The following ROBO1 variants were observed in gnomAD, a reference collection of about 807,000 sequenced individuals.
The protein encoded by ROBO1 is roundabout guidance receptor 1, also known as roundabout homolog 1.
ROBO1 carries 149 observed loss-of-function variants against 195.9 expected under a neutral mutation model. That is an observed-to-expected ratio of 0.76 (90% confidence interval 0.67 to 0.87). ROBO1 has a LOEUF of 0.87. Among genes scored for constraint, ROBO1 ranks in the 40% least tolerant of loss-of-function variants. ROBO1 has a pLI of 0.00. For synonymous variants in ROBO1, 816 were observed against 733.2 expected, an observed-to-expected ratio of 1.11 and a Z score of -1.82; for missense variants, 1,933 against 2,068.3, an observed-to-expected ratio of 0.93 and a Z score of 1.27.
chr3:79,059,346 G>A (rs1355312830), intron 3 of ROBO1, among the ~76,000 whole-genome samples: 1 of 151,962 alleles, frequency 6.6e-6, no homozygotes, highest in Non-Finnish European at 1.5e-5. Flanking sequence ...CTCATGACTT[G>A]GATTAAGTCT....
chr3:79,055,544 G>A (rs1166935570), intron 3 of ROBO1, among the ~76,000 whole-genome samples: 2 of 151,978 alleles, frequency 1.3e-5, no homozygotes, highest in East Asian at 1.9e-4. Context: ...GGCCCTGATG[G>A]TCAAAAAGGT....
chr3:79,208,884 G>A (rs955456885), intron 2 of ROBO1, among the ~76,000 whole-genome samples: 1 of 151,890 alleles, frequency 6.6e-6, no homozygotes, highest in Non-Finnish European at 1.5e-5. Context: ...GGAGGGCAAG[G>A]GGCATACTGA....
At chr3:79,047,977 C>A (rs147289172) in intron 3 of ROBO1, among the ~76,000 whole-genome samples, 54 of 152,152 alleles carry the variant, frequency 3.5e-4, no homozygotes, top group Admixed American at 1.0e-3. Context: ...GAAGCCTTGC[C>A]GTGGAAACTT....
chr3:79,605,837 C>T (rs1560031645), intron 1 of ROBO1, among the ~76,000 whole-genome samples: 1 of 151,984 alleles, frequency 6.6e-6, no homozygotes, highest in South Asian at 2.1e-4. Flanking sequence ...GTCGCCTAAC[C>T]AGTTCCTCCA....
intron 1 of ROBO1, among the ~76,000 whole-genome samples, chr3:79,659,117 G>A (rs921734039): frequency 1.3e-5 from 2 of 151,826 alleles, no homozygotes; most frequent in African/African-American, 2.4e-5. Flanking sequence ...TAATATAATC[G>A]ACACATATCA....
intron 4 of ROBO1, among the ~76,000 whole-genome samples, chr3:78,921,147 C>T (rs1158437430): frequency 1.3e-5 from 2 of 152,206 alleles, no homozygotes; most frequent in South Asian, 4.1e-4. Context: ...TTACAATTAA[C>T]ATGATCTTTC....
chr3:78,724,687 CA>C (rs1208762566), intron 5 of ROBO1, among the ~76,000 whole-genome samples: 2 of 151,126 alleles, frequency 1.3e-5, no homozygotes, highest in East Asian at 1.9e-4. Flanking sequence ...GTCACACACA[CA>C]AAAAAAGCAA....
At chr3:78,668,747 T>C (rs541083956) in intron 11 of ROBO1, among the ~76,000 whole-genome samples, 182 bp from the exon 12 acceptor site, 1 of 152,234 alleles carries the variant, frequency 6.6e-6, no homozygotes, top group East Asian at 1.9e-4. Flanking sequence ...TACATCAATA[T>C]AGAAAAAAAG....
At chr3:78,669,003 T>C (rs938944188) in intron 11 of ROBO1, among the ~76,000 whole-genome samples, 1 of 152,192 alleles carries the variant, frequency 6.6e-6, no homozygotes, top group Non-Finnish European at 1.5e-5. Flanking sequence ...TATGGATATA[T>C]GAGATCAACA....
chr3:79,437,951 A>G (rs1368889368), intron 2 of ROBO1, among the ~76,000 whole-genome samples: 1 of 152,036 alleles, frequency 6.6e-6, no homozygotes, highest in African/African-American at 2.4e-5. Flanking sequence ...CTGTGAAAGT[A>G]AAAACAAAAC....
At chr3:79,106,913 T>C (rs2108522978) in intron 3 of ROBO1, among the ~76,000 whole-genome samples, 1 of 151,786 alleles carries the variant, frequency 6.6e-6, no homozygotes, top group South Asian at 2.1e-4. Flanking sequence ...TCCTCCCTAC[T>C]TATGTATAGA....
rs536454804 is a variant in ROBO1 at position 78,720,380 on chromosome 3, C to A, written c.658-2497G>T. Among the ~76,000 whole-genome samples, 119 of 152,214 alleles carry A rather than the reference C, an allele frequency of 7.8e-4. 1 individual carries two copies. Among genetic ancestry groups the A allele is most frequent in the Admixed American group, 1.2e-3 (18 of 15,274 alleles). On this transcript the variant is annotated intron_variant, in intron 5 of 30. Coordinates refer to ENST00000464233, the MANE Select transcript of ROBO1 (RefSeq NM_002941.4). ...ACTGGCCATCAGAGAAATGCAAATC[C>A]AAACCACAATGAGATACCATCTCAC...
chr3:78,668,470 A>G lies in ROBO1; in HGVS notation c.1630+14T>C, dbSNP rs1189553195. On this transcript the variant is annotated intron_variant, in intron 12 of 30. Transcript: ENST00000464233. ...TTAAGCTTCACTTTAAGGGAAACAC[A>G]CCATTTACTTTACCTTGAACTTCAA... 6.2e-7 allele frequency: 1 copy of G among 1,613,300 alleles called. No homozygotes were observed. Among genetic ancestry groups the G allele is most frequent in the East Asian group, 2.2e-5 (1 of 44,882 alleles).
At chr3:78,911,138 T>A (rs2038218075) in intron 4 of ROBO1, among the ~76,000 whole-genome samples, 1 of 151,984 alleles carries the variant, frequency 6.6e-6, no homozygotes, top group African/African-American at 2.4e-5. Context: ...GTTCCAATAA[T>A]GTGTAAGTAA....
At chr3:78,915,339 C>T (rs1331472021) in intron 4 of ROBO1, among the ~76,000 whole-genome samples, 3 of 152,084 alleles carry the variant, frequency 2.0e-5, no homozygotes, top group Non-Finnish European at 4.4e-5. Context: ...CCAGGTGTTT[C>T]CGATTTAATT....
In ROBO1 at chr3:78,597,611, A is replaced by G. The variant is rs1282427412; in HGVS notation, c.*1302T>C. ...AAAATGACAAAAAAGGATCATAGAA[A>G]TCTACTAGTCAGAGGGCATCATTTG... On this transcript the variant is annotated 3_prime_UTR_variant, in exon 31 of 31. Transcript: ENST00000464233. The G allele has an allele frequency of 6.6e-6, 1 of 152,318 alleles. No individual in the cohort carries two copies. The highest frequency in any genetic ancestry group is 1.9e-4 in the East Asian group (1 of 5,198). 9.4% of individuals were successfully genotyped at this position (152,318 alleles called of 1,614,324 possible).
intron 2 of ROBO1, among the ~76,000 whole-genome samples, chr3:79,232,657 T>C (rs572737628): frequency 6.6e-6 from 1 of 152,248 alleles, no homozygotes; most frequent in East Asian, 1.9e-4. Context: ...TGAAAGATTA[T>C]TCAACTTTCC....
At chr3:78,861,955 A>G (rs1365280043) in intron 4 of ROBO1, among the ~76,000 whole-genome samples, 1 of 152,218 alleles carries the variant, frequency 6.6e-6, no homozygotes, top group East Asian at 1.9e-4. Context: ...CCTAAGGGTA[A>G]TGGACAGACC....
intron 8 of ROBO1, among the ~76,000 whole-genome samples, chr3:78,691,068 T>C (rs1575944362): frequency 6.6e-6 from 1 of 152,134 alleles, no homozygotes; most frequent in Non-Finnish European, 1.5e-5. Context: ...CCACAAGACA[T>C]GTCTTAGAAA....
Sources: gnomAD v4.1 joint callset for allele counts (sites outside exome capture counted in the v4.1 genomes callset) on GRCh38, gnomAD v4.1.1 for gene constraint, MANE v1.5 for transcripts, NCBI Gene and HGNC (gene_info 2026-07-23, HGNC 2026-07-21) for gene names.